MTUS2: variants seen among roughly 807,000 people sequenced by gnomAD.
MTUS2 encodes microtubule associated scaffold protein 2.
A neutral mutation model predicts 114.1 loss-of-function variants in MTUS2; 40 were observed. The observed-to-expected ratio is 0.35, with a 90% CI of 0.27 to 0.46. The LOEUF is 0.46. Ranked by LOEUF, MTUS2 falls within the 20% of genes least tolerant of loss-of-function variation. The pLI is 1.00. For synonymous variants in MTUS2, 688 were observed against 672.0 expected, an observed-to-expected ratio of 1.02 and a Z score of -0.37; for missense variants, 1,679 against 1,705.4, an observed-to-expected ratio of 0.98 and a Z score of 0.27.
chr13:29,307,298 T>C, intron 6 of MTUS2: 1 of 668,562 alleles, frequency 1.5e-6, no homozygotes, highest in Non-Finnish European at 2.7e-6. Context: ...ATGGAAGGAC[T>C]CATGACCACA....
chr13:29,342,566 T>C (rs1901454549), intron 7 of MTUS2, among the ~76,000 whole-genome samples: 1 of 152,098 alleles, frequency 6.6e-6, no homozygotes, highest in Admixed American at 6.6e-5. Flanking sequence ...AGGATGAGGC[T>C]TTAGGGTTTT....
At chr13:29,084,980 G>A (rs529391895) in intron 4 of MTUS2, among the ~76,000 whole-genome samples, 2 of 152,304 alleles carry the variant, frequency 1.3e-5, no homozygotes, top group African/African-American at 4.8e-5. Context: ...GGATCATGTG[G>A]GTGGATCCCT....
At chr13:29,386,850 G>A (rs1210475405) in intron 8 of MTUS2, among the ~76,000 whole-genome samples, 1 of 152,196 alleles carries the variant, frequency 6.6e-6, no homozygotes, top group East Asian at 1.9e-4. Flanking sequence ...TCAGAGCTGA[G>A]TTGGGAGCAG....
At chr13:28,851,411 A>G (rs1876257749) in intron 2 of MTUS2, among the ~76,000 whole-genome samples, 1 of 152,252 alleles carries the variant, frequency 6.6e-6, no homozygotes, top group South Asian at 2.1e-4. Flanking sequence ...AAGAAAAGGA[A>G]TCAGAGTACC....
intron 2 of MTUS2, among the ~76,000 whole-genome samples, chr13:28,907,594 G>T (rs1041498924): frequency 6.6e-6 from 1 of 151,358 alleles, no homozygotes; most frequent in African/African-American, 2.4e-5. Flanking sequence ...AAAGGCAGGG[G>T]TTGCAATCCT....
chr13:29,159,649 T>TAA (rs397828215), intron 5 of MTUS2, among the ~76,000 whole-genome samples: 17 of 147,912 alleles, frequency 1.1e-4, no homozygotes, highest in East Asian at 2.0e-4. Flanking sequence ...AACTCAGCAG[T>TAA]AAAAAAAAAA....
At chr13:29,082,593 A>G (rs1889493953) in intron 4 of MTUS2, among the ~76,000 whole-genome samples, 1 of 152,178 alleles carries the variant, frequency 6.6e-6, no homozygotes, top group Non-Finnish European at 1.5e-5. Context: ...TGGCAAATAG[A>G]ATATGCGAGA....
In MTUS2 at chr13:29,496,853, T is replaced by A. The variant is rs1413556065; in HGVS notation, c.3580-385T>A. 1.3e-5 allele frequency among the ~76,000 whole-genome samples: 2 copies of A among 152,176 alleles called. No individual in the cohort carries two copies. Among genetic ancestry groups the A allele is most frequent in the East Asian group, 3.9e-4 (2 of 5,158 alleles). On this transcript the variant is annotated intron_variant, in intron 12 of 15. Transcript: ENST00000612955. This position sits in a 1 kb window ranked among gnomAD's most constrained non-coding sequence, Gnocchi z 4.3. ...CTGAATTGAGCTTCCTAAATGAGAATACATCTTTGAAATACATTCATCGCG... is the reference window on the plus strand; with the variant it reads ...CTGAATTGAGCTTCCTAAATGAGAAAACATCTTTGAAATACATTCATCGCG...
chr13:29,353,873 C>T (rs9508403), intron 7 of MTUS2, among the ~76,000 whole-genome samples: 28,443 of 152,100 alleles, frequency 0.19, 2,750 homozygotes, highest in Middle Eastern at 0.23. Flanking sequence ...TGGCAGAGTT[C>T]TGTCCCCATC....
chr13:29,215,965 A>C (rs1895663491), intron 5 of MTUS2, among the ~76,000 whole-genome samples: 1 of 152,190 alleles, frequency 6.6e-6, no homozygotes, highest in Admixed American at 6.5e-5. Context: ...AGTCTGCTGA[A>C]GGTGTGCCCA....
chr13:29,099,090 C>T (rs1028938122), intron 4 of MTUS2, among the ~76,000 whole-genome samples: 5 of 152,164 alleles, frequency 3.3e-5, no homozygotes, highest in African/African-American at 1.2e-4. Flanking sequence ...GGGATATTTT[C>T]ACTGTTCTGG....
chr13:29,324,131 G>A (rs1173571111), intron 6 of MTUS2, among the ~76,000 whole-genome samples: 3 of 152,190 alleles, frequency 2.0e-5, no homozygotes, highest in African/African-American at 4.8e-5. Flanking sequence ...CTGTGGACCC[G>A]CTGCATGGAA....
chr13:29,218,542 AT>A (rs1482123667), intron 5 of MTUS2, among the ~76,000 whole-genome samples: 1 of 152,248 alleles, frequency 6.6e-6, no homozygotes, highest in African/African-American at 2.4e-5. Flanking sequence ...TAAGGGAATC[AT>A]TGTCTATGGC....
intron 2 of MTUS2, among the ~76,000 whole-genome samples, chr13:29,005,801 A>G (rs899361478): frequency 3.3e-5 from 5 of 152,242 alleles, no homozygotes; most frequent in African/African-American, 1.2e-4. Flanking sequence ...AGTCTGCGCC[A>G]AAGTACTTCT....
At chr13:29,304,463 A>G (rs992470493) in intron 6 of MTUS2, among the ~76,000 whole-genome samples, 1 of 152,220 alleles carries the variant, frequency 6.6e-6, no homozygotes, top group African/African-American at 2.4e-5. Flanking sequence ...ACTAATGGAA[A>G]AAAAGAAAAA....
chr13:29,103,249 A>G (rs1015029241), intron 5 of MTUS2, among the ~76,000 whole-genome samples: 3 of 152,208 alleles, frequency 2.0e-5, no homozygotes, highest in African/African-American at 7.2e-5. Context: ...GTATGTTGTT[A>G]GGCAGTGTCA....
intron 2 of MTUS2, among the ~76,000 whole-genome samples, chr13:28,877,519 A>C (rs1878019416): frequency 6.6e-6 from 1 of 152,204 alleles, no homozygotes; most frequent in African/African-American, 2.4e-5. Context: ...AACTTGTAAG[A>C]CAGTAGAAGT....
chr13:29,429,114 A>T (rs969256540), intron 8 of MTUS2, among the ~76,000 whole-genome samples: 1 of 152,246 alleles, frequency 6.6e-6, no homozygotes, highest in African/African-American at 2.4e-5. Context: ...ATAATTCTGT[A>T]TTCCTGCAGT....
At position 29,497,263 on chromosome 13, in the gene MTUS2, A is replaced by G. The variant is rs961873559; in HGVS notation, c.3605A>G (p.Gln1202Arg). Residue 1202 changes from glutamine (Q) to arginine (R), a missense_variant, in exon 13 of 16, where the codon CAG becomes CGG. By Grantham distance (43) the Gln-to-Arg change is conservative. This residue lies in a region of MTUS2 where 822 missense variants were observed against 899.7 expected (regional missense o/e 0.91). Transcript: ENST00000612955. ...GACCAGGTGGACACGCTGACCTTCCAGAGCCAGTCTCTGCGGGACAGAGCC... is the reference window on the plus strand; with the variant it reads ...GACCAGGTGGACACGCTGACCTTCCGGAGCCAGTCTCTGCGGGACAGAGCC... The part of the protein sequence containing the change: ...LQDQVDTLTF[Q>R]SQSLRDRARR... 1 of 1,612,244 alleles carries G rather than the reference A, an allele frequency of 6.2e-7. No homozygotes were observed. Among genetic ancestry groups the G allele is most frequent in the African/African-American group, 1.3e-5 (1 of 75,004 alleles).
Sources: allele counts gnomAD v4.1 joint callset (sites outside exome capture counted in the v4.1 genomes callset), GRCh38; gene constraint gnomAD v4.1.1; regional missense constraint gnomAD v4.1.1; non-coding constraint Gnocchi (gnomAD v3.1); transcripts MANE v1.5; gene names NCBI Gene and HGNC (gene_info 2026-07-23, HGNC 2026-07-21).